DMXL1: variants seen among roughly 807,000 people sequenced by gnomAD.
The protein encoded by DMXL1 is Dmx like 1, also known as dmX-like protein 1.
DMXL1 carries 99 observed loss-of-function variants against 319.2 expected under a neutral mutation model. The ratio of observed to expected loss-of-function variants is 0.31; its 90% CI spans 0.26 to 0.37. The LOEUF is 0.37. DMXL1 is among the 10% of genes least tolerant of loss of function. The probability of loss-of-function intolerance (pLI) is 1.00; values close to 1 mark genes in which losing one functional copy is unlikely to be tolerated. For synonymous variants in DMXL1, 1,385 were observed against 1,235.2 expected (o/e 1.12, Z -2.54); for missense variants, 3,745 against 3,595.6 (o/e 1.04, Z -1.06).
At chr5:119,151,219 C>T (rs376038096) in intron 18 of DMXL1, among the ~76,000 whole-genome samples, 14 of 151,400 alleles carry the variant, frequency 9.2e-5, no homozygotes, top group African/African-American at 3.1e-4. Flanking sequence ...TTTTCCTCAC[C>T]CAGAGAGCAT....
At chr5:119,188,487 T>C (rs557990204) in intron 28 of DMXL1, among the ~76,000 whole-genome samples, 118 of 152,296 alleles carry the variant, frequency 7.7e-4, no homozygotes, top group African/African-American at 2.8e-3. Flanking sequence ...TTTTGAAAGG[T>C]AAAAAAATAT....
intron 19 of DMXL1, among the ~76,000 whole-genome samples, chr5:119,154,318 C>G (rs574957731): frequency 2.6e-5 from 4 of 152,304 alleles, no homozygotes; most frequent in Admixed American, 1.3e-4. Context: ...CCTCTTGTGC[C>G]AAACAGTTTA....
At chr5:119,145,557 A>G (rs1200345974) in intron 15 of DMXL1, among the ~76,000 whole-genome samples, 1 of 151,748 alleles carries the variant, frequency 6.6e-6, no homozygotes, top group African/African-American at 2.4e-5. Flanking sequence ...TCCTTTTCAT[A>G]TTAAAATATT....
chr5:119,117,757 A>C (rs1761156326), intron 7 of DMXL1, among the ~76,000 whole-genome samples: 1 of 152,028 alleles, frequency 6.6e-6, no homozygotes, highest in South Asian at 2.1e-4. Context: ...AGAATGGAGG[A>C]GGGAAGGAGA....
chr5:119,224,076 C>A (rs1043824434), intron 37 of DMXL1, among the ~76,000 whole-genome samples: 1 of 151,938 alleles, frequency 6.6e-6, no homozygotes, highest in African/African-American at 2.4e-5. Flanking sequence ...CTCTGTTCTC[C>A]CTACCAACTC....
intron 2 of DMXL1, among the ~76,000 whole-genome samples, chr5:119,099,849 T>C (rs1008484824): frequency 2.0e-5 from 3 of 151,792 alleles, no homozygotes; most frequent in South Asian, 2.1e-4. Context: ...AAATAATAAG[T>C]AAATAGCCGG....
At chr5:119,159,844 G>A (rs986644955) in intron 19 of DMXL1, among the ~76,000 whole-genome samples, 38 of 152,114 alleles carry the variant, frequency 2.5e-4, no homozygotes, top group African/African-American at 8.7e-4. Flanking sequence ...GGCTGGTCTC[G>A]AACTCCTGGT....
At chr5:119,102,977 G>C (rs1757580269) in intron 3 of DMXL1, among the ~76,000 whole-genome samples, 1 of 151,934 alleles carries the variant, frequency 6.6e-6, no homozygotes, top group Admixed American at 6.6e-5. Flanking sequence ...TTGGGTACTG[G>C]GCTTAATACC....
intron 34 of DMXL1, among the ~76,000 whole-genome samples, chr5:119,209,077 A>G (rs1214388812): frequency 6.6e-6 from 1 of 152,218 alleles, no homozygotes; most frequent in Non-Finnish European, 1.5e-5. Context: ...ATTACATTAT[A>G]TGGATATACC....
chr5:119,206,754 G>T (rs1781816425), intron 33 of DMXL1, 80 bp from the exon 34 acceptor site: 1 of 820,180 alleles, frequency 1.2e-6, no homozygotes, highest in African/African-American at 1.8e-5. Flanking sequence ...TTAAAATATA[G>T]CATTGAAACA....
intron 21 of DMXL1, 66 bp from the exon 22 acceptor site, chr5:119,166,549 GA>G: frequency 2.8e-6 from 4 of 1,421,458 alleles, no homozygotes; most frequent in Non-Finnish European, 3.9e-6. Flanking sequence ...CTTAACTTTA[GA>G]AAATTGATTC....
intron 13 of DMXL1, among the ~76,000 whole-genome samples, chr5:119,138,415 A>G (rs997043369): frequency 6.6e-6 from 1 of 152,202 alleles, no homozygotes; most frequent in African/African-American, 2.4e-5. Flanking sequence ...TTGACATCCA[A>G]AAGACATAGT....
intron 19 of DMXL1, among the ~76,000 whole-genome samples, chr5:119,162,454 G>A (rs1027437720): frequency 6.6e-6 from 1 of 152,156 alleles, no homozygotes; most frequent in Non-Finnish European, 1.5e-5. Context: ...TTGGTGTCTG[G>A]TAAGGGCTTG....
intron 28 of DMXL1, among the ~76,000 whole-genome samples, chr5:119,189,174 A>G (rs1030738016): frequency 1.3e-5 from 2 of 152,192 alleles, no homozygotes; most frequent in Non-Finnish European, 2.9e-5. Flanking sequence ...TTGTAATTCC[A>G]TTGACTGGAA....
intron 7 of DMXL1, among the ~76,000 whole-genome samples, 173 bp downstream of exon 7, chr5:119,116,509 T>C (rs1760879490): frequency 6.6e-6 from 1 of 152,200 alleles, no homozygotes; most frequent in African/African-American, 2.4e-5. Context: ...TCAACTATGT[T>C]TGATGCTTAG....
chr5:119,181,424 A>G (rs921181332), intron 28 of DMXL1, among the ~76,000 whole-genome samples: 1 of 152,208 alleles, frequency 6.6e-6, no homozygotes, highest in African/African-American at 2.4e-5. Flanking sequence ...TAAAGAAAAC[A>G]TGAATGGTAC....
In DMXL1 at chr5:119,245,996, A is replaced by C. The variant is rs1581532399; in HGVS notation, c.8923-999A>C. 2.0e-5 allele frequency among the ~76,000 whole-genome samples: 3 copies of C among 152,208 alleles called. No individual in the cohort carries two copies. In the East Asian group the frequency reaches 5.8e-4, roughly 29 times the overall value. ...ATGAATTAATGAATTTCTTAGAGTA[A>C]AGAAACGTTTAGAAAAATGATCTCC... On this transcript the variant is annotated intron_variant, in intron 43 of 43. Transcript: ENST00000539542.
intron 1 of DMXL1, among the ~76,000 whole-genome samples, chr5:119,077,864 T>C (rs1186440063): frequency 4.0e-5 from 5 of 126,424 alleles, no homozygotes; most frequent in African/African-American, 1.4e-4. Flanking sequence ...TATATACGTG[T>C]GTGTGTGTGT....
chr5:119,149,396 A>C lies in DMXL1; in HGVS notation c.3569A>C (p.Lys1190Thr). The C allele has an allele frequency of 3.1e-6, 5 of 1,613,958 alleles. No individual in the cohort carries two copies. The highest frequency in any genetic ancestry group is 4.2e-6 in the Non-Finnish European group (5 of 1,179,892). ...TLAFPLWESTKVVPLSKFVLL... is the reference protein window; with the variant it reads ...TLAFPLWESTTVVPLSKFVLL... ...GCATTTCCTCTCTGGGAGAGTACCA[A>C]AGTTGTGCCCCTTTCTAAATTTGTA... The change falls in exon 18 of 44, where the codon AAA becomes ACA. Residue 1190 changes from lysine to threonine, a missense_variant. Around this residue, in one of 4 missense-constraint regions of DMXL1, gnomAD observed 2,096 missense variants for 1,985.4 expected, o/e 1.06. Transcript: ENST00000539542.
Sources: allele counts gnomAD v4.1 joint callset (sites outside exome capture counted in the v4.1 genomes callset), GRCh38; gene constraint gnomAD v4.1.1; regional missense constraint gnomAD v4.1.1; transcripts MANE v1.5; gene names NCBI Gene and HGNC (gene_info 2026-07-23, HGNC 2026-07-21).